The following PCOLCE2 variants were observed in gnomAD, a reference collection of about 807,000 sequenced individuals.
PCOLCE2 encodes procollagen C-proteinase enhancer 2.
PCOLCE2 carries 42 observed loss-of-function variants against 47.0 expected under a neutral mutation model. That is an observed-to-expected ratio of 0.89 (90% CI 0.70 to 1.16). The LOEUF (loss-of-function observed/expected upper bound fraction) is 1.16, where lower values mean the gene tolerates loss of function less well. Ranked by LOEUF, PCOLCE2 falls within the 50% of genes most tolerant of loss-of-function variation. The pLI is 0.00. For missense variants in PCOLCE2, 500 were observed against 526.1 expected, an observed-to-expected ratio of 0.95 and a Z score of 0.49; for synonymous variants, 169 against 191.7, an observed-to-expected ratio of 0.88 and a Z score of 0.98.
At chr3:142,826,432 C>A (rs529932462) in intron 6 of PCOLCE2, among the ~76,000 whole-genome samples, 4 of 152,308 alleles carry the variant, frequency 2.6e-5, no homozygotes, top group Admixed American at 6.5e-5. Context: ...GGGTCACCCC[C>A]CTCCGACCTG....
At chr3:142,875,608 G>A (rs1020953247) in intron 2 of PCOLCE2, among the ~76,000 whole-genome samples, 4 of 152,124 alleles carry the variant, frequency 2.6e-5, no homozygotes, top group Admixed American at 2.0e-4. Context: ...TGAACAGACC[G>A]ATGAAGAGGA....
chr3:142,823,615 C>A lies in PCOLCE2; in HGVS notation c.866G>T (p.Gly289Val), dbSNP rs1402587585. The change falls in exon 7 of 9, where the codon GGT becomes GTT. Residue 289 changes from glycine (G) to valine (V), a missense_variant and splice_region_variant. Physicochemically the swap from Gly to Val is moderately radical, Grantham distance 109 (BLOSUM62 -3). Transcript: ENST00000295992. ...PVTTTFPVTT[G>V]LKPTVALCQQ... is the part of the protein sequence containing the mutation. ...ACACAAGGCCACGGTGGGTTTTAAA[C>A]CTTAATTCAAAGAAGACATAAGTTT... The A allele has an allele frequency of 6.3e-7, 1 of 1,583,594 alleles. No homozygotes were observed. Among genetic ancestry groups the A allele is most frequent in the East Asian group, 2.2e-5 (1 of 44,726 alleles).
intron 4 of PCOLCE2, among the ~76,000 whole-genome samples, chr3:142,841,613 A>C (rs1421902563): frequency 1.3e-5 from 2 of 152,174 alleles, no homozygotes; most frequent in African/African-American, 4.8e-5. Flanking sequence ...ATAAATGGCC[A>C]TATATTTCTT....
chr3:142,888,751 C>T, intron 1 of PCOLCE2, 63 bp downstream of exon 1: 2 of 1,007,174 alleles, frequency 2.0e-6, no homozygotes, highest in Non-Finnish European at 2.8e-6. Flanking sequence ...AAGCAGCAGG[C>T]GAGGCTGCAG....
chr3:142,888,118 T>A (rs1933749461), intron 1 of PCOLCE2, among the ~76,000 whole-genome samples: 1 of 152,174 alleles, frequency 6.6e-6, no homozygotes, highest in South Asian at 2.1e-4. Flanking sequence ...CCAGGCTGAA[T>A]GAGAAGCATG....
At chr3:142,830,682 A>G (rs1937141533) in intron 5 of PCOLCE2, among the ~76,000 whole-genome samples, 1 of 152,230 alleles carries the variant, frequency 6.6e-6, no homozygotes, top group African/African-American at 2.4e-5. Flanking sequence ...AAAGCTCTCT[A>G]AAATCTTAGG....
chr3:142,888,384 A>T (rs1276231267), intron 1 of PCOLCE2, among the ~76,000 whole-genome samples: 3 of 152,040 alleles, frequency 2.0e-5, no homozygotes, highest in African/African-American at 7.2e-5. Context: ...GCGGCTCCCT[A>T]GGCGCCGCGC....
At chr3:142,826,289 A>G (rs970772793) in intron 6 of PCOLCE2, among the ~76,000 whole-genome samples, 13 of 152,160 alleles carry the variant, frequency 8.5e-5, no homozygotes, top group South Asian at 2.1e-4. Context: ...TTACAGGTGT[A>G]AGCCACCGCA....
At chr3:142,880,629 C>T (rs1933594772) in intron 2 of PCOLCE2, among the ~76,000 whole-genome samples, 1 of 152,208 alleles carries the variant, frequency 6.6e-6, no homozygotes, top group African/African-American at 2.4e-5. Context: ...TTTTAATCTA[C>T]TAGTTCCTTC....
chr3:142,863,096 C>CAAAAAAAAAAAAAA (rs35383176), intron 2 of PCOLCE2, among the ~76,000 whole-genome samples: 1 of 85,992 alleles, frequency 1.2e-5, no homozygotes, highest in Non-Finnish European at 2.2e-5. Context: ...GTCTGGCAGG[C>CAAAAAAAAAAAAAA]AAAAAAAAAA....
chr3:142,863,867 C>G (rs1235061098), intron 2 of PCOLCE2: 1 of 152,106 alleles, frequency 6.6e-6, no homozygotes, highest in African/African-American at 2.4e-5. Context: ...AGTGGATAAA[C>G]TAGCATGCTA....
intron 2 of PCOLCE2, among the ~76,000 whole-genome samples, chr3:142,883,506 G>T (rs1305332614): frequency 2.6e-5 from 4 of 151,276 alleles, no homozygotes; most frequent in Non-Finnish European, 4.4e-5. Flanking sequence ...TGCAACCTCT[G>T]CCTCCCAGGC....
intron 2 of PCOLCE2, among the ~76,000 whole-genome samples, chr3:142,861,009 T>C (rs956190253): frequency 1.3e-5 from 2 of 152,250 alleles, no homozygotes; most frequent in African/African-American, 4.8e-5. Flanking sequence ...TCATCCTCCT[T>C]TAGTTTTCTT....
Position 142,838,788 on chromosome 3 carries a change from C to A in PCOLCE2, c.692G>T (p.Cys231Phe). The change falls in exon 5 of 9, where the codon TGT (cysteine) becomes TTT (phenylalanine). Residue 231 changes from cysteine (C) to phenylalanine (F), a missense_variant. Coordinates refer to ENST00000295992, the MANE Select transcript of PCOLCE2 (RefSeq NM_013363.4). ...VNDARRIGKY[C>F]GDSPPAPIVS... is the part of the protein sequence containing the mutation. The stretch of plus-strand genomic sequence containing the variant: ...TACTTACGCAGGTGGACTATCACCA[C>A]AATACTTTCCAATTCTTCTAGCATC... The A allele has an allele frequency of 6.2e-7, 1 of 1,613,962 alleles. No homozygotes were observed. Among genetic ancestry groups the A allele is most frequent in the Non-Finnish European group, 8.5e-7 (1 of 1,179,876 alleles).
At chr3:142,883,262 G>A (rs1933660154) in intron 2 of PCOLCE2, among the ~76,000 whole-genome samples, 1 of 151,250 alleles carries the variant, frequency 6.6e-6, no homozygotes, top group Non-Finnish European at 1.5e-5. Context: ...CCTGTTCAAG[G>A]AGAGTTCCCA....
At chr3:142,827,082 T>G in intron 6 of PCOLCE2, 19 of 1,285,668 alleles carry the variant, frequency 1.5e-5, no homozygotes, top group Non-Finnish European at 2.1e-5. Context: ...CAAACTTTAT[T>G]GAGCCCCTTA....
At chr3:142,855,630 C>A (rs1247677852) in intron 2 of PCOLCE2, among the ~76,000 whole-genome samples, 5 of 152,162 alleles carry the variant, frequency 3.3e-5, no homozygotes, top group African/African-American at 9.7e-5. Flanking sequence ...ATTTCCCAGC[C>A]TCTCTTGCAG....
intron 2 of PCOLCE2, among the ~76,000 whole-genome samples, chr3:142,882,867 G>A (rs1344993912): frequency 6.6e-6 from 1 of 152,144 alleles, no homozygotes; most frequent in Non-Finnish European, 1.5e-5. Context: ...AACAGCAGTT[G>A]CATTAGACAT....
intron 2 of PCOLCE2, among the ~76,000 whole-genome samples, chr3:142,877,530 C>T (rs747094893): frequency 7.9e-5 from 12 of 152,212 alleles, no homozygotes; most frequent in Admixed American, 3.3e-4. Flanking sequence ...CTGCTTGTGC[C>T]AAGCACTGTG....
Sources: allele counts gnomAD v4.1 joint callset (sites outside exome capture counted in the v4.1 genomes callset), GRCh38; gene constraint gnomAD v4.1.1; transcripts MANE v1.5; gene names NCBI Gene and HGNC (gene_info 2026-07-23, HGNC 2026-07-21).